Variants in SPI1 observed in about 807,000 individuals in gnomAD.
The protein encoded by SPI1 is transcription factor PU.1.
SPI1 carries 3 observed loss-of-function variants against 30.7 expected under a neutral mutation model. That is an observed-to-expected ratio of 0.10 (90% CI 0.04 to 0.25). The LOEUF (loss-of-function observed/expected upper bound fraction) is 0.25. Among genes scored for constraint, SPI1 ranks in the 10% least tolerant of loss-of-function variants. The pLI is 1.00. For missense variants in SPI1, 261 were observed against 371.5 expected, an observed-to-expected ratio of 0.70 and a Z score of 2.45; for synonymous variants, 169 against 157.1, an observed-to-expected ratio of 1.08 and a Z score of -0.56.
chr11:47,360,387 A>G (rs1010585831), intron 2 of SPI1, among the ~76,000 whole-genome samples: 16 of 152,284 alleles, frequency 1.1e-4, no homozygotes, highest in African/African-American at 3.9e-4. Flanking sequence ...CCTCAGGCAC[A>G]TATGTGGCCT....
chr11:47,361,330 A>G (rs1026243092), intron 2 of SPI1, among the ~76,000 whole-genome samples: 3 of 152,060 alleles, frequency 2.0e-5, no homozygotes, highest in African/African-American at 7.2e-5. Flanking sequence ...CTTCAAAGCC[A>G]TGACCTTAAG....
intron 4 of SPI1, among the ~76,000 whole-genome samples, chr11:47,356,159 C>A (rs1214591715): frequency 6.6e-6 from 1 of 151,486 alleles, no homozygotes; most frequent in African/African-American, 2.4e-5. Flanking sequence ...CATCTGCCCT[C>A]ACACACTGTC....
intron 4 of SPI1, chr11:47,358,630 C>A: frequency 1.4e-6 from 1 of 707,050 alleles, no homozygotes; most frequent in Non-Finnish European, 2.6e-6. Context: ...ACACCTGGCA[C>A]ACTTCATGGA....
At chr11:47,358,760 G>C (rs1431266398) in intron 4 of SPI1, 84 bp downstream of exon 4, 2 of 1,376,424 alleles carry the variant, frequency 1.5e-6, no homozygotes, top group African/African-American at 1.4e-5. Context: ...TGGCGTGGCT[G>C]CTGGGTCAGT....
intron 1 of SPI1, among the ~76,000 whole-genome samples, chr11:47,376,140 A>G (rs555296702): frequency 1.3e-5 from 2 of 148,164 alleles, no homozygotes; most frequent in South Asian, 4.3e-4. Flanking sequence ...GCCCCTACCC[A>G]CCCCCATGCA....
chr11:47,356,190 A>G (rs1314291105), intron 4 of SPI1, among the ~76,000 whole-genome samples: 1 of 149,606 alleles, frequency 6.7e-6, no homozygotes, highest in African/African-American at 2.5e-5. Flanking sequence ...ACACCCACAC[A>G]ATGCACCAGC....
At chr11:47,366,827 G>GAA (rs1274957541) in intron 2 of SPI1, among the ~76,000 whole-genome samples, 1 of 41,884 alleles carries the variant, frequency 2.4e-5, no homozygotes, top group Non-Finnish European at 1.5e-4. Flanking sequence ...GTCTCAAAAA[G>GAA]AAAAGAAAAG....
Position 47,355,158 on chromosome 11 carries a change from C to A in SPI1, c.*69G>T, listed in dbSNP as rs2095906096. ...GCCCCGGGAGCGTCCTCCCTGTGTC[C>A]GGGCCGGGCGAGGGCTTAATGCTAT... On this transcript the variant is annotated 3_prime_UTR_variant, in exon 5 of 5. Transcript: ENST00000378538. 2.5e-6 allele frequency: 3 copies of A among 1,217,414 alleles called. No individual in the cohort carries two copies. The highest frequency in any genetic ancestry group is 3.1e-6 in the Non-Finnish European group (3 of 968,508). The allele number at this position is 1,217,414 out of a possible 1,614,324, so 75.4% of individuals were successfully genotyped here.
chr11:47,355,556 G>T lies in SPI1; in HGVS notation c.494-10C>A. The T allele has an allele frequency of 6.4e-7, 1 of 1,559,630 alleles. No individual in the cohort carries two copies. The highest frequency in any genetic ancestry group is 8.7e-7 in the Non-Finnish European group (1 of 1,150,334). ...ATCTTCTTCTTGCTGCCTGCGGGGG[G>T]GAGGGCCCGGTGGGAGGGGGCCCGG... is the stretch of plus-strand genomic sequence containing the variant. On this transcript the variant is annotated splice_polypyrimidine_tract_variant and intron_variant, in intron 4 of 4. Coordinates refer to ENST00000378538, the MANE Select transcript of SPI1 (RefSeq NM_003120.3).
intron 2 of SPI1, among the ~76,000 whole-genome samples, chr11:47,366,508 C>G (rs1187552526): frequency 4.6e-5 from 7 of 152,170 alleles, no homozygotes; most frequent in African/African-American, 1.7e-4. Context: ...CAGAAGATCA[C>G]AGACCACTAG....
Position 47,378,422 on chromosome 11 carries a change from G to T in SPI1, c.-69C>A, listed in dbSNP as rs2095945340. ...GCCAATGCAGAGCCCCTCAGGATGG[G>T]GTGCCCCGTCAGGGGCTGGACGGTC... is the stretch of plus-strand genomic sequence containing the variant. On this transcript the variant is annotated 5_prime_UTR_variant, in exon 1 of 5. Transcript: ENST00000378538. 4.5e-6 allele frequency: 7 copies of T among 1,548,604 alleles called. No individual in the cohort carries two copies. The highest frequency in any genetic ancestry group is 5.3e-6 in the Non-Finnish European group (6 of 1,137,142).
At chr11:47,366,663 G>GA (rs917930504) in intron 2 of SPI1, among the ~76,000 whole-genome samples, 4 of 151,638 alleles carry the variant, frequency 2.6e-5, no homozygotes, top group Non-Finnish European at 4.4e-5. Flanking sequence ...ACTAAAAATA[G>GA]AAAAAAAATT....
chr11:47,354,915 T>C lies in SPI1; in HGVS notation c.*312A>G. 1 of 263,870 alleles carries C rather than the reference T, an allele frequency of 3.8e-6. No homozygotes were observed. Among genetic ancestry groups the C allele is most frequent in the East Asian group, 6.8e-5 (1 of 14,810 alleles). The allele number at this position is 263,870 out of a possible 1,614,324, so 16.3% of individuals were successfully genotyped here. On this transcript the variant is annotated 3_prime_UTR_variant, in exon 5 of 5. Coordinates refer to ENST00000378538, the MANE Select transcript of SPI1 (RefSeq NM_003120.3). ...GGAGGAGGTTAATGGGTGGGAGGGGTGAGAGGGGAGATCTGATTTACATAC... is the reference window on the plus strand; with the variant it reads ...GGAGGAGGTTAATGGGTGGGAGGGGCGAGAGGGGAGATCTGATTTACATAC...
rs1458958548 is a variant in SPI1, at chr11:47,359,626, G to A, written c.330+227C>T. On this transcript the variant is annotated intron_variant, in intron 3 of 4. Coordinates refer to ENST00000378538, the MANE Select transcript of SPI1 (RefSeq NM_003120.3). This position sits in a 1 kb window ranked among gnomAD's most constrained non-coding sequence, Gnocchi z 5.1. Reference sequence around the variant, plus strand: ...ATGGGGAGGCTTGGTGAGGGTGCGAGAATTATCTGGGGTCTGTCCATACTC... The same window carrying A: ...ATGGGGAGGCTTGGTGAGGGTGCGAAAATTATCTGGGGTCTGTCCATACTC... 6.6e-6 allele frequency among the ~76,000 whole-genome samples: 1 copy of A among 151,950 alleles called. No individual in the cohort carries two copies. The highest frequency in any genetic ancestry group is 6.6e-5 in the Admixed American group (1 of 15,250).
chr11:47,373,815 A>C (rs1307475600), intron 2 of SPI1, among the ~76,000 whole-genome samples: 1 of 152,168 alleles, frequency 6.6e-6, no homozygotes, highest in Non-Finnish European at 1.5e-5. Context: ...AGTCATTCCT[A>C]GAGTCCCACC....
At position 47,360,430 on chromosome 11, in the gene SPI1, G is replaced by C. The variant is rs555568048; in HGVS notation, c.143-390C>G. On this transcript the variant is annotated intron_variant, in intron 2 of 4. Transcript: ENST00000378538. ...CTCAGTTGAGTTGCCTGTAAAATGG[G>C]GATCACAGTTATTGGGAAGATACGA... 4.6e-5 allele frequency among the ~76,000 whole-genome samples: 7 copies of C among 152,228 alleles called. No homozygotes were observed. In the South Asian group the frequency reaches 1.5e-3, roughly 32 times the overall value.
intron 2 of SPI1, among the ~76,000 whole-genome samples, chr11:47,368,761 G>A (rs561943140): frequency 3.7e-4 from 57 of 152,268 alleles, no homozygotes; most frequent in Admixed American, 1.3e-3. Flanking sequence ...CCAGAGGCTG[G>A]GGGGAGGGAA....
chr11:47,364,617 C>T (rs2095925857), intron 2 of SPI1, among the ~76,000 whole-genome samples: 1 of 152,132 alleles, frequency 6.6e-6, no homozygotes, highest in East Asian at 1.9e-4. Context: ...GCTGGAGGGA[C>T]CCTGAGTGCA....
intron 4 of SPI1, among the ~76,000 whole-genome samples, chr11:47,357,377 CCTG>C (rs1447791591): frequency 3.1e-4 from 47 of 152,254 alleles, no homozygotes; most frequent in Admixed American, 7.9e-4. Context: ...GCACCTCACA[CCTG>C]CTCACGCATG....
Sources: allele counts gnomAD v4.1 joint callset (sites outside exome capture counted in the v4.1 genomes callset), GRCh38; gene constraint gnomAD v4.1.1; non-coding constraint Gnocchi (gnomAD v3.1); transcripts MANE v1.5; gene names NCBI Gene and HGNC (gene_info 2026-07-23, HGNC 2026-07-21).